Variants in TMEM196 observed in about 807,000 individuals in gnomAD.
TMEM196 encodes the protein transmembrane protein 196.
In TMEM196, 17 loss-of-function variants were observed where a neutral mutation model predicts 20.0. The ratio of observed to expected loss-of-function variants is 0.85; its 90% CI spans 0.58 to 1.27. TMEM196 has a LOEUF of 1.27. TMEM196 is among the 50% of genes most tolerant of loss of function. The probability of loss-of-function intolerance (pLI) is 0.00; values close to 1 mark genes in which losing one functional copy is unlikely to be tolerated. For synonymous variants in TMEM196, 113 were observed against 88.9 expected, an observed-to-expected ratio of 1.27 and a Z score of -1.52; for missense variants, 267 against 223.0, an observed-to-expected ratio of 1.20 and a Z score of -1.26.
intron 1 of TMEM196, among the ~76,000 whole-genome samples, chr7:19,741,292 C>T (rs1286854136): frequency 1.3e-5 from 2 of 152,076 alleles, no homozygotes; most frequent in African/African-American, 4.8e-5. Flanking sequence ...TTTGCCATAG[C>T]CTCTCTGACA....
At chr7:19,722,508 C>T (rs530496491) in intron 4 of TMEM196, among the ~76,000 whole-genome samples, 12 of 152,058 alleles carry the variant, frequency 7.9e-5, no homozygotes, top group Non-Finnish European at 1.6e-4. Context: ...CAACAAAGTG[C>T]CAATGCATTC....
intron 1 of TMEM196, among the ~76,000 whole-genome samples, chr7:19,746,626 A>G (rs1441902768): frequency 2.0e-5 from 3 of 152,248 alleles, no homozygotes; most frequent in African/African-American, 7.2e-5. Flanking sequence ...AGAATTCCAG[A>G]TAACAGCTTT....
intron 1 of TMEM196, among the ~76,000 whole-genome samples, chr7:19,732,666 C>G (rs941674696): frequency 1.3e-5 from 2 of 149,358 alleles, no homozygotes; most frequent in African/African-American, 2.5e-5. Context: ...GTTATACTAG[C>G]AAATCCAACT....
intron 1 of TMEM196, among the ~76,000 whole-genome samples, chr7:19,752,092 A>G (rs1264336597): frequency 6.6e-6 from 1 of 152,234 alleles, no homozygotes; most frequent in African/African-American, 2.4e-5. Flanking sequence ...TTATATTCAG[A>G]TTGTGTCGAT....
chr7:19,747,053 A>AGACCATCC (rs1436502733), intron 1 of TMEM196, among the ~76,000 whole-genome samples: 1 of 151,926 alleles, frequency 6.6e-6, no homozygotes, highest in Non-Finnish European at 1.5e-5. Flanking sequence ...CAGGAGATCG[A>AGACCATCC]GACCATCCCG....
chr7:19,763,133 C>T (rs774829473), intron 1 of TMEM196, among the ~76,000 whole-genome samples: 14 of 152,152 alleles, frequency 9.2e-5, no homozygotes, highest in Non-Finnish European at 1.9e-4. Flanking sequence ...TTTTATCCTA[C>T]TTCTGTTACT....
intron 1 of TMEM196, among the ~76,000 whole-genome samples, chr7:19,753,066 C>T (rs917567272): frequency 5.3e-5 from 8 of 152,106 alleles, no homozygotes; most frequent in African/African-American, 1.4e-4. Context: ...CTCAGTTTAT[C>T]CCTTTTTGCA....
At chr7:19,770,714 A>G (rs547005965) in intron 1 of TMEM196, among the ~76,000 whole-genome samples, 2 of 152,210 alleles carry the variant, frequency 1.3e-5, no homozygotes, top group Non-Finnish European at 2.9e-5. Flanking sequence ...TATAGTGACT[A>G]TGTAGATATG....
intron 1 of TMEM196, among the ~76,000 whole-genome samples, chr7:19,732,048 A>T (rs1017963887): frequency 1.3e-5 from 2 of 152,184 alleles, no homozygotes; most frequent in African/African-American, 4.8e-5. Context: ...AAAAGAGAAA[A>T]AGAGGCCCCC....
At chr7:19,725,276 A>G (rs1783953462) in intron 3 of TMEM196, among the ~76,000 whole-genome samples, 1 of 152,252 alleles carries the variant, frequency 6.6e-6, no homozygotes, top group South Asian at 2.1e-4. Flanking sequence ...ATATTTTATG[A>G]AATACTATTT....
chr7:19,762,758 A>G (rs145934467), intron 1 of TMEM196, among the ~76,000 whole-genome samples: 94 of 152,294 alleles, frequency 6.2e-4, no homozygotes, highest in African/African-American at 2.2e-3. Context: ...GAGTTGTGCC[A>G]GCTTTGAGTC....
chr7:19,739,112 A>G (rs908597186), intron 1 of TMEM196, among the ~76,000 whole-genome samples: 7 of 152,156 alleles, frequency 4.6e-5, no homozygotes, highest in African/African-American at 1.4e-4. Flanking sequence ...ACATTGGAGC[A>G]GAGCCAGTAG....
In TMEM196 at chr7:19,719,365, T is replaced by A. The variant is rs1456113605; in HGVS notation, c.*2763A>T. On this transcript the variant is annotated 3_prime_UTR_variant, in exon 5 of 5. Coordinates refer to ENST00000405844, the MANE Select transcript of TMEM196 (RefSeq NM_001363562.2). ...ATAGACATGTCAGTAGAGTTATCAT[T>A]TCCTGTTCCACTTCCAAACCATTGT... is the stretch of plus-strand genomic sequence containing the variant. The A allele has an allele frequency of 6.7e-6, 1 of 149,176 alleles. No homozygotes were observed. The highest frequency in any genetic ancestry group is 1.5e-5 in the Non-Finnish European group (1 of 66,166). The allele number at this position is 149,176 out of a possible 1,614,324, so 9.2% of individuals were successfully genotyped here. A position where few individuals can be genotyped will look rare whatever the true frequency, so the allele number is the denominator to read the frequency against.
chr7:19,747,209 C>G (rs1277811005), intron 1 of TMEM196, among the ~76,000 whole-genome samples: 5 of 149,170 alleles, frequency 3.4e-5, no homozygotes, highest in Non-Finnish European at 7.4e-5. Flanking sequence ...TAGCCGAGAT[C>G]GCGCCACTGC....
Position 19,773,090 on chromosome 7 carries a change from T to G in TMEM196, c.-394A>C, listed in dbSNP as rs1445697737. On this transcript the variant is annotated 5_prime_UTR_variant, in exon 1 of 5. Transcript: ENST00000405844. ...AATCTCCGCAGGGAAACCCGCGCCC[T>G]CCTCAGCCTACTAGACCCTTTCACA... 1.2e-5 allele frequency: 2 copies of G among 167,228 alleles called. No homozygotes were observed. The highest frequency in any genetic ancestry group is 3.3e-4 in the East Asian group (2 of 6,092). The allele number at this position is 167,228 out of a possible 1,614,324, so 10.4% of individuals were successfully genotyped here.
intron 1 of TMEM196, among the ~76,000 whole-genome samples, chr7:19,732,344 G>A (rs568578284): frequency 6.6e-6 from 1 of 152,258 alleles, no homozygotes; most frequent in Admixed American, 6.5e-5. Flanking sequence ...GGAGGCTGAG[G>A]TGGGCGGATC....
intron 1 of TMEM196, among the ~76,000 whole-genome samples, chr7:19,770,692 A>C (rs564575156): frequency 6.6e-6 from 1 of 152,362 alleles, no homozygotes; most frequent in South Asian, 2.1e-4. Flanking sequence ...AAAAAAGGAA[A>C]TAATTCTTTC....
intron 1 of TMEM196, among the ~76,000 whole-genome samples, chr7:19,756,577 G>A (rs1303797808): frequency 6.6e-6 from 1 of 151,870 alleles, no homozygotes; most frequent in East Asian, 1.9e-4. Flanking sequence ...GAGTCCATAT[G>A]TTCTTATCAT....
intron 1 of TMEM196, among the ~76,000 whole-genome samples, chr7:19,740,584 G>T (rs907204132): frequency 6.6e-6 from 1 of 152,020 alleles, no homozygotes; most frequent in Non-Finnish European, 1.5e-5. Context: ...TGTGTTCTCC[G>T]TGGCTATTTA....
Sources: gnomAD v4.1 joint callset for allele counts (sites outside exome capture counted in the v4.1 genomes callset) on GRCh38, gnomAD v4.1.1 for gene constraint, MANE v1.5 for transcripts, NCBI Gene and HGNC (gene_info 2026-07-23, HGNC 2026-07-21) for gene names.